Variants in RPH3A observed in about 807,000 individuals in gnomAD.
RPH3A encodes the protein rabphilin-3A.
A neutral mutation model predicts 102.2 loss-of-function variants in RPH3A; 48 were observed. The observed-to-expected ratio is 0.47, with a 90% CI of 0.37 to 0.60. RPH3A has a LOEUF of 0.60. RPH3A is among the 20% of genes least tolerant of loss of function. RPH3A has a pLI of 0.00. For synonymous variants in RPH3A, 310 were observed against 324.3 expected (o/e 0.96, Z 0.47); for missense variants, 781 against 910.1 (o/e 0.86, Z 1.83).
intron 1 of RPH3A, among the ~76,000 whole-genome samples, chr12:112,583,131 C>T (rs1288380967): frequency 6.6e-6 from 1 of 152,156 alleles, no homozygotes; most frequent in Non-Finnish European, 1.5e-5. Context: ...TCCTCACTTG[C>T]CTGCAGCCTC....
At position 112,740,760 on chromosome 12, in the gene RPH3A, C is replaced by T. The variant is rs1168367071; in HGVS notation, c.-139-51383C>T. 3.3e-5 allele frequency among the ~76,000 whole-genome samples: 5 copies of T among 152,304 alleles called. No individual in the cohort carries two copies. The South Asian group carries it at 1.0e-3, about 32-fold the overall frequency. On this transcript the variant is annotated intron_variant, in intron 1 of 21. Transcript: ENST00000543106. The stretch of plus-strand genomic sequence containing the variant: ...CACCACAGTTCAGCAGCAATTCAGG[C>T]GCGGAGTTCCATTTTGCATCATGAT...
rs530730486 is a variant in RPH3A at position 112,842,684 on chromosome 12, G to A, written c.84-5012G>A. Among the ~76,000 whole-genome samples, 853 of 152,320 alleles carry A rather than the reference G, an allele frequency of 5.6e-3. 5 individuals carry two copies. Among genetic ancestry groups the A allele is most frequent in the Non-Finnish European group, 5.8e-3 (397 of 68,028 alleles). ...TACTCGCCTGGAGAGGCCGTCTCAC[G>A]AAATGTGGAGTACGTATCAGTTTGC... On this transcript the variant is annotated intron_variant, in intron 4 of 21. Coordinates refer to ENST00000389385, the MANE Select transcript of RPH3A (RefSeq NM_001143854.2).
At chr12:112,829,891 A>G (rs2041939619) in intron 3 of RPH3A, among the ~76,000 whole-genome samples, 1 of 152,200 alleles carries the variant, frequency 6.6e-6, no homozygotes, top group African/African-American at 2.4e-5. Flanking sequence ...CTTGCTTCCC[A>G]CTTAAAAAGG....
intron 1 of RPH3A, among the ~76,000 whole-genome samples, chr12:112,673,994 A>G (rs2040153868): frequency 1.3e-5 from 2 of 152,332 alleles, no homozygotes; most frequent in Non-Finnish European, 2.9e-5. Flanking sequence ...CCTGGTTTCA[A>G]GCGATCCTCC....
In RPH3A at chr12:112,712,881, TC is replaced by T. The variant is rs1407691836; in HGVS notation, c.-139-79261del. On this transcript the variant is annotated intron_variant, in intron 1 of 21. Coordinates refer to the RPH3A transcript ENST00000543106. Reference sequence around the variant, plus strand: ...CCACCACACCCAGCTCACTTTTTTTTCTTCTTCTTCTTCTTCTTCTTCCTCT... The same window carrying T: ...CCACCACACCCAGCTCACTTTTTTTTTTCTTCTTCTTCTTCTTCTTCCTCT... 1.7e-3 allele frequency among the ~76,000 whole-genome samples: 217 copies of T among 130,828 alleles called. 2 individuals are homozygous for T. Among genetic ancestry groups the T allele is most frequent in the African/African-American group, 6.5e-3 (182 of 28,144 alleles). 85.8% of individuals were successfully genotyped at this position (130,828 alleles called of 152,430 possible).
rs889071916 is a variant in RPH3A at position 112,675,447 on chromosome 12, A to G, written c.-140+100128A>G. On this transcript the variant is annotated intron_variant, in intron 1 of 21. Coordinates refer to the RPH3A transcript ENST00000543106. Reference sequence around the variant, plus strand: ...GCAACGGTGCTCTATTTGGCCAGACAACCATATAAATATAGAGATGATTCT... The same window carrying G: ...GCAACGGTGCTCTATTTGGCCAGACGACCATATAAATATAGAGATGATTCT... 3.9e-5 allele frequency among the ~76,000 whole-genome samples: 6 copies of G among 152,340 alleles called. No homozygotes were observed. The East Asian group carries it at 1.2e-3, about 29-fold the overall frequency.
At chr12:112,590,922 G>C (rs1348519031) in intron 1 of RPH3A, among the ~76,000 whole-genome samples, 1 of 152,116 alleles carries the variant, frequency 6.6e-6, no homozygotes, top group African/African-American at 2.4e-5. Context: ...AGCCTCCCGA[G>C]TAGTTGGAAA....
At chr12:112,710,755 G>A (rs1238465866) in intron 1 of RPH3A, among the ~76,000 whole-genome samples, 1 of 152,134 alleles carries the variant, frequency 6.6e-6, no homozygotes, top group Non-Finnish European at 1.5e-5. Flanking sequence ...TCCACAGTGG[G>A]CTGCCTGATG....
chr12:112,870,008 G>T lies in RPH3A; in HGVS notation c.765G>T (p.Gly255=), dbSNP rs754482274. The change falls in exon 10 of 22, where the codon GGG becomes GGT. Residue 255 remains glycine (G), a synonymous_variant. Coordinates refer to ENST00000389385, the MANE Select transcript of RPH3A (RefSeq NM_001143854.2). The part of the protein sequence containing the change: ...SRDSESWDHS[G]GAGDSSRSPA... ...ATTCAGAGAGCTGGGACCACAGTGG[G>T]GGTGCTGGAGACTCCAGCCGGAGCC... 3 of 1,614,038 alleles carry T rather than the reference G, an allele frequency of 1.9e-6. No homozygotes were observed. Among genetic ancestry groups the T allele is most frequent in the Non-Finnish European group, 2.5e-6 (3 of 1,179,992 alleles).
At chr12:112,636,805 A>C (rs539842108) in intron 1 of RPH3A, among the ~76,000 whole-genome samples, 3 of 151,938 alleles carry the variant, frequency 2.0e-5, no homozygotes, top group African/African-American at 7.3e-5. Flanking sequence ...CCTTTCACAC[A>C]CTCTACTCTA....
chr12:112,841,059 T>C (rs1437622888), intron 4 of RPH3A, among the ~76,000 whole-genome samples: 1 of 151,596 alleles, frequency 6.6e-6, no homozygotes, highest in Non-Finnish European at 1.5e-5. Flanking sequence ...GAAGCCCTGT[T>C]AAGCTTGGTG....
At chr12:112,755,151 A>T (rs2136063214) in intron 1 of RPH3A, among the ~76,000 whole-genome samples, 1 of 152,302 alleles carries the variant, frequency 6.6e-6, no homozygotes, top group Admixed American at 6.5e-5. Flanking sequence ...AAATATCAAA[A>T]GGTATACAGT....
intron 1 of RPH3A, among the ~76,000 whole-genome samples, chr12:112,726,533 G>T (rs1051664846): frequency 6.6e-6 from 1 of 152,076 alleles, no homozygotes; most frequent in African/African-American, 2.4e-5. Context: ...ATGAAAATTT[G>T]TAAACCAACA....
At chr12:112,591,306 G>T (rs1007026658) in intron 1 of RPH3A, among the ~76,000 whole-genome samples, 1 of 151,900 alleles carries the variant, frequency 6.6e-6, no homozygotes, top group African/African-American at 2.4e-5. Context: ...GGCTGGTCTT[G>T]ATCTCCTGGC....
At chr12:112,799,603 C>T (rs896492713) in intron 2 of RPH3A, among the ~76,000 whole-genome samples, 8 of 152,192 alleles carry the variant, frequency 5.3e-5, no homozygotes, top group Non-Finnish European at 1.0e-4. Context: ...TGCATGGCTC[C>T]GGCATGGACT....
At position 112,841,644 on chromosome 12, in the gene RPH3A, G is replaced by C. The variant is rs375968159; in HGVS notation, c.83+5142G>C. Among the ~76,000 whole-genome samples, 7 of 152,062 alleles carry C rather than the reference G, an allele frequency of 4.6e-5. No individual in the cohort carries two copies. In the East Asian group the frequency reaches 9.7e-4, roughly 21 times the overall value. On this transcript the variant is annotated intron_variant, in intron 4 of 21. Transcript: ENST00000389385. Reference sequence around the variant, plus strand: ...ATAGAATACTTTCCCCAAAGTCACAGAGTGCCAGGGTTTGAATGCAGATTG... The same window carrying C: ...ATAGAATACTTTCCCCAAAGTCACACAGTGCCAGGGTTTGAATGCAGATTG...
At chr12:112,868,841 T>C (rs1036320490) in intron 8 of RPH3A, 14 of 427,638 alleles carry the variant, frequency 3.3e-5, no homozygotes, top group Non-Finnish European at 5.0e-5. Flanking sequence ...CCTGGTGGCA[T>C]ATCTAGTGTA....
chr12:112,835,401 C>A (rs1211860145), intron 3 of RPH3A, among the ~76,000 whole-genome samples: 1 of 152,076 alleles, frequency 6.6e-6, no homozygotes, highest in Admixed American at 6.5e-5. Flanking sequence ...AAATTCCATC[C>A]ATCAGAGTTT....
intron 1 of RPH3A, among the ~76,000 whole-genome samples, chr12:112,600,888 G>C (rs1353401743): frequency 6.6e-6 from 1 of 152,200 alleles, no homozygotes; most frequent in Non-Finnish European, 1.5e-5. Flanking sequence ...GTTCCACATG[G>C]CTGGGGAGGC....
Sources: gnomAD v4.1 joint callset for allele counts (sites outside exome capture counted in the v4.1 genomes callset) on GRCh38, gnomAD v4.1.1 for gene constraint, MANE v1.5 for transcripts, NCBI Gene and HGNC (gene_info 2026-07-23, HGNC 2026-07-21) for gene names.